ERBB4: variants seen among roughly 807,000 people sequenced by gnomAD.
The protein encoded by ERBB4 is receptor tyrosine-protein kinase erbB-4.
ERBB4 carries 42 observed loss-of-function variants against 158.0 expected under a neutral mutation model. The ratio of observed to expected loss-of-function variants is 0.27; its 90% CI spans 0.21 to 0.34. The LOEUF (loss-of-function observed/expected upper bound fraction) is 0.34, where lower values mean the gene tolerates loss of function less well. ERBB4 is among the 10% of genes least tolerant of loss of function. The pLI is 1.00. For synonymous variants in ERBB4, 583 were observed against 558.7 expected, an observed-to-expected ratio of 1.04 and a Z score of -0.61; for missense variants, 1,333 against 1,624.1, an observed-to-expected ratio of 0.82 and a Z score of 3.08.
intron 1 of ERBB4, among the ~76,000 whole-genome samples, chr2:212,263,771 T>C (rs2085031361): frequency 6.6e-6 from 1 of 151,972 alleles, no homozygotes; most frequent in South Asian, 2.1e-4. Flanking sequence ...GAAAAAACAG[T>C]AAAACTTGAC....
intron 2 of ERBB4, among the ~76,000 whole-genome samples, chr2:212,080,201 A>G (rs2125464471): frequency 6.6e-6 from 1 of 151,888 alleles, no homozygotes; most frequent in Non-Finnish European, 1.5e-5. Flanking sequence ...AATCTCAGCT[A>G]CTCAGGAAGC....
At chr2:212,300,683 A>ATTT (rs1419800804) in intron 1 of ERBB4, among the ~76,000 whole-genome samples, 13 of 151,264 alleles carry the variant, frequency 8.6e-5, no homozygotes, top group African/African-American at 3.2e-4. Context: ...TATCTACTAT[A>ATTT]TTATCTCATG....
intron 2 of ERBB4, among the ~76,000 whole-genome samples, chr2:212,020,691 A>G (rs887682522): frequency 6.6e-6 from 1 of 152,102 alleles, no homozygotes; most frequent in African/African-American, 2.4e-5. Context: ...AATAATACCA[A>G]TTAAGCTTTT....
chr2:211,657,524 G>GA, intron 16 of ERBB4: 2 of 467,410 alleles, frequency 4.3e-6, no homozygotes, highest in Non-Finnish European at 7.8e-6. Flanking sequence ...AAAAAAAAAA[G>GA]AAATCGATGG....
At chr2:212,103,718 T>C in intron 2 of ERBB4, among the ~76,000 whole-genome samples, 1 of 128,594 alleles carries the variant, frequency 7.8e-6, no homozygotes, top group Admixed American at 7.2e-5. Context: ...TGTCTGATTT[T>C]TCATTTTTTT....
rs181049091 is a variant in ERBB4 at position 212,324,263 on chromosome 2, T to C, written c.83-199360A>G. ...CCGTATTACTCTAAACTTCCTGTTATATTAAATAAGAAATTACCTTTACAC... is the reference window on the plus strand; with the variant it reads ...CCGTATTACTCTAAACTTCCTGTTACATTAAATAAGAAATTACCTTTACAC... On this transcript the variant is annotated intron_variant, in intron 1 of 27. Coordinates refer to ENST00000342788, the MANE Select transcript of ERBB4 (RefSeq NM_005235.3). Among the ~76,000 whole-genome samples, 75 of 150,754 alleles carry C rather than the reference T, an allele frequency of 5.0e-4. 1 individual carries two copies. Among genetic ancestry groups the C allele is most frequent in the Middle Eastern group, 6.8e-3 (2 of 292 alleles).
intron 12 of ERBB4, among the ~76,000 whole-genome samples, chr2:211,695,539 A>G (rs903722316): frequency 6.6e-6 from 1 of 152,196 alleles, no homozygotes; most frequent in African/African-American, 2.4e-5. Context: ...AAGAGAAAAA[A>G]GAAAAATAAA....
rs115490174 is a variant in ERBB4 at position 211,707,501 on chromosome 2, C to A, written c.1125-2110G>T. ...TTCCACTGAAATCACTTTATTTTAT[C>A]ATCGAGTTTATTATTTCCCTTCCAT... On this transcript the variant is annotated intron_variant, in intron 9 of 27. Coordinates refer to ENST00000342788, the MANE Select transcript of ERBB4 (RefSeq NM_005235.3). Among the ~76,000 whole-genome samples, 1,205 of 152,222 alleles carry A rather than the reference C, an allele frequency of 7.9e-3. 10 individuals are homozygous for A. The highest frequency in any genetic ancestry group is 0.027 in the African/African-American group (1,132 of 41,516).
intron 20 of ERBB4, among the ~76,000 whole-genome samples, chr2:211,519,387 T>C (rs1031394170): frequency 1.3e-5 from 2 of 152,106 alleles, no homozygotes; most frequent in African/African-American, 4.8e-5. Flanking sequence ...AGCTGTGTGA[T>C]GGCAGACATA....
intron 1 of ERBB4, among the ~76,000 whole-genome samples, chr2:212,238,098 G>C (rs6735273): frequency 5.5e-4 from 84 of 152,190 alleles, no homozygotes; most frequent in African/African-American, 2.0e-3. Flanking sequence ...GTTCTGTCTT[G>C]CTGGTGTTTC....
chr2:212,202,535 C>G (rs995585643), intron 1 of ERBB4, among the ~76,000 whole-genome samples: 4 of 151,732 alleles, frequency 2.6e-5, no homozygotes, highest in Non-Finnish European at 5.9e-5. Flanking sequence ...AGACAGGGGT[C>G]TCGCCATGTT....
At chr2:212,077,337 G>T (rs1399261868) in intron 2 of ERBB4, among the ~76,000 whole-genome samples, 2 of 151,884 alleles carry the variant, frequency 1.3e-5, no homozygotes, top group African/African-American at 4.8e-5. Context: ...AATTATGGCA[G>T]TGTTAGTCAT....
chr2:211,732,917 C>A (rs930815409), intron 5 of ERBB4, among the ~76,000 whole-genome samples: 10 of 152,314 alleles, frequency 6.6e-5, no homozygotes, highest in African/African-American at 2.4e-4. Context: ...GCGGAGGTTG[C>A]AGTGAGCCAA....
chr2:211,477,799 T>C (rs1394745785), intron 20 of ERBB4, among the ~76,000 whole-genome samples: 1 of 152,152 alleles, frequency 6.6e-6, no homozygotes, highest in Non-Finnish European at 1.5e-5. Flanking sequence ...AAGTAACTTA[T>C]TATTGCATAA....
At chr2:211,737,795 A>G (rs532834880) in intron 5 of ERBB4, among the ~76,000 whole-genome samples, 3 of 152,146 alleles carry the variant, frequency 2.0e-5, no homozygotes, top group Non-Finnish European at 2.9e-5. Flanking sequence ...AATGGTAGTT[A>G]TTATCTCGCT....
At chr2:211,678,242 G>C (rs1249670640) in intron 13 of ERBB4, among the ~76,000 whole-genome samples, 1 of 149,792 alleles carries the variant, frequency 6.7e-6, no homozygotes, top group Non-Finnish European at 1.5e-5. Context: ...GTCAAAGACA[G>C]AAACAAGCCA....
At chr2:211,709,697 T>C (rs1376022186) in intron 9 of ERBB4, among the ~76,000 whole-genome samples, 1 of 152,170 alleles carries the variant, frequency 6.6e-6, no homozygotes, top group African/African-American at 2.4e-5. Flanking sequence ...TAAAATGTCC[T>C]ACTAGACATT....
intron 1 of ERBB4, among the ~76,000 whole-genome samples, chr2:212,171,621 C>T (rs1581385): frequency 0.62 from 93,570 of 151,944 alleles, 29,966 homozygotes; most frequent in African/African-American, 0.69. Flanking sequence ...ATGTAGGTGT[C>T]TTCCCCCATG....
chr2:211,597,030 T>G (rs2068653979), intron 19 of ERBB4, among the ~76,000 whole-genome samples: 1 of 152,148 alleles, frequency 6.6e-6, no homozygotes, highest in African/African-American at 2.4e-5. Flanking sequence ...ATTCCCAAAG[T>G]GCTGGGAATA....
Sources: allele counts gnomAD v4.1 joint callset (sites outside exome capture counted in the v4.1 genomes callset), GRCh38; gene constraint gnomAD v4.1.1; transcripts MANE v1.5; gene names NCBI Gene and HGNC (gene_info 2026-07-23, HGNC 2026-07-21).